Variants in RGS12 observed in about 807,000 individuals in gnomAD.
RGS12 encodes the protein regulator of G-protein signaling 12.
A neutral mutation model predicts 120.1 loss-of-function variants in RGS12; 66 were observed. The observed-to-expected ratio is 0.55, with a 90% CI of 0.45 to 0.67. RGS12 has a LOEUF of 0.67. Ranked by LOEUF, RGS12 falls within the 30% of genes least tolerant of loss-of-function variation. The probability of loss-of-function intolerance (pLI) is 0.00; values close to 1 mark genes in which losing one functional copy is unlikely to be tolerated. For missense variants in RGS12, 1,859 were observed against 1,957.7 expected, an observed-to-expected ratio of 0.95 and a Z score of 0.95; for synonymous variants, 827 against 804.7, an observed-to-expected ratio of 1.03 and a Z score of -0.47.
intron 1 of RGS12, chr4:3,312,484 C>G (rs1375787551): frequency 4.6e-6 from 1 of 219,028 alleles, no homozygotes; most frequent in Non-Finnish European, 9.9e-6. Flanking sequence ...GACTCTTTAC[C>G]CACTACTGAG....
At chr4:3,294,234 C>T (rs1296895358) in intron 1 of RGS12, among the ~76,000 whole-genome samples, 4 of 152,250 alleles carry the variant, frequency 2.6e-5, no homozygotes, top group African/African-American at 4.8e-5. Context: ...GCAGGATGGC[C>T]GGCAAGGCCT....
intron 1 of RGS12, among the ~76,000 whole-genome samples, chr4:3,307,011 G>A (rs926843119): frequency 6.6e-6 from 1 of 152,206 alleles, no homozygotes; most frequent in African/African-American, 2.4e-5. Context: ...CCGATGTTTG[G>A]TTTCCTTCTC....
At chr4:3,386,297 G>C in intron 3 of RGS12, 119 bp from the exon 4 acceptor site, 1 of 945,320 alleles carries the variant, frequency 1.1e-6, no homozygotes, top group East Asian at 2.4e-5. Context: ...CCTCCACCTG[G>C]AGAGTGCCTC....
intron 4 of RGS12, chr4:3,407,656 G>A (rs6446740): frequency 0.57 from 87,017 of 152,242 alleles, 25,649 homozygotes; most frequent in African/African-American, 0.73. Flanking sequence ...TATGTTTGCC[G>A]CAGCGGGATT....
At position 3,316,144 on chromosome 4, in the gene RGS12, T is replaced by C; in HGVS notation, c.-27T>C. On this transcript the variant is annotated 5_prime_UTR_variant, in exon 2 of 18. Coordinates refer to ENST00000336727, the MANE Select transcript of RGS12 (RefSeq NM_001394154.1). ...ATGGCTCCAAGGGAACAATGAGACG[T>C]GCTCTTGGTCTTGGAAGCTCATCAG... 1 of 1,519,700 alleles carries C rather than the reference T, an allele frequency of 6.6e-7. No individual in the cohort carries two copies. The highest frequency in any genetic ancestry group is 8.8e-7 in the Non-Finnish European group (1 of 1,134,766). 94.1% of individuals were successfully genotyped at this position (1,519,700 alleles called of 1,614,324 possible). A position where few individuals can be genotyped will look rare whatever the true frequency, so the allele number is the denominator to read the frequency against.
chr4:3,301,662 T>C (rs527632255), intron 1 of RGS12, among the ~76,000 whole-genome samples: 7 of 150,178 alleles, frequency 4.7e-5, no homozygotes, highest in African/African-American at 1.5e-4. Context: ...GTCCGAGGGC[T>C]GGGGATGGAG....
chr4:3,341,906 T>G (rs1578773373), intron 2 of RGS12, among the ~76,000 whole-genome samples: 1 of 142,482 alleles, frequency 7.0e-6, no homozygotes, highest in Non-Finnish European at 1.5e-5. Flanking sequence ...TGACAATGGG[T>G]GGGGTAGGAA....
intron 3 of RGS12, among the ~76,000 whole-genome samples, chr4:3,344,521 T>G (rs1413644533): frequency 6.6e-6 from 1 of 152,250 alleles, no homozygotes; most frequent in African/African-American, 2.4e-5. Flanking sequence ...GCCCTAGGTT[T>G]GGGCTGACAG....
chr4:3,288,827 G>A (rs1015355445), upstream of RGS12, among the ~76,000 whole-genome samples: 1 of 152,124 alleles, frequency 6.6e-6, no homozygotes, highest in South Asian at 2.1e-4. The surrounding 1 kb of genome is among the most constrained non-coding windows in gnomAD (Gnocchi z 5.2). Flanking sequence ...GGGGCCTCAG[G>A]GGCCCCAGGT....
intron 3 of RGS12, among the ~76,000 whole-genome samples, chr4:3,359,819 C>T (rs568584100): frequency 3.9e-5 from 6 of 151,984 alleles, no homozygotes; most frequent in East Asian, 1.9e-4. Context: ...GATAGGGTTT[C>T]GCCATGTTGG....
chr4:3,331,190 A>C (rs1711797585), intron 2 of RGS12, among the ~76,000 whole-genome samples: 2 of 152,218 alleles, frequency 1.3e-5, no homozygotes, highest in Non-Finnish European at 2.9e-5. Flanking sequence ...TTTGGTGTAA[A>C]AAATTCTAAC....
rs145348972 is a variant in RGS12 at position 3,430,928 on chromosome 4, C to T, written c.4087C>T (p.Gln1363Ter). The change falls in exon 17 of 18, where the codon CAG (glutamine) becomes TAG (stop). Residue 1363 changes from glutamine to a stop codon, truncating the protein, a stop_gained. Transcript: ENST00000336727. LOFTEE classifies it low-confidence loss of function (END_TRUNC). ...STLLPPPSTP[Q>*]EVPGPSRPGS... ...CTTGCTGCCGCCGCCCTCCACCCCCCAGGAAGTGCCAGGACCTTCCAGACC... is the reference window on the plus strand; with the variant it reads ...CTTGCTGCCGCCGCCCTCCACCCCCTAGGAAGTGCCAGGACCTTCCAGACC... The T allele has an allele frequency of 7.5e-4, 1,202 of 1,612,782 alleles. 2 individuals are homozygous for T. Among genetic ancestry groups the T allele is most frequent in the Non-Finnish European group, 9.3e-4 (1,097 of 1,179,974 alleles).
Position 3,390,564 on chromosome 4 carries a change from C to T in RGS12, c.2020+4127C>T, listed in dbSNP as rs1437043956. Among the ~76,000 whole-genome samples, 5 of 152,254 alleles carry T rather than the reference C, an allele frequency of 3.3e-5. No individual in the cohort carries two copies. The highest frequency in any genetic ancestry group is 7.2e-5 in the African/African-American group (3 of 41,476). Reference sequence around the variant, plus strand: ...TGGTGTTGCGGGGTGGACCCACTGCCGCCGCCTCCTCCTGGGCTGCTCTGC... The same window carrying T: ...TGGTGTTGCGGGGTGGACCCACTGCTGCCGCCTCCTCCTGGGCTGCTCTGC... On this transcript the variant is annotated intron_variant, in intron 4 of 17. Transcript: ENST00000336727. The surrounding 1 kb of genome is among the most constrained non-coding windows in gnomAD (Gnocchi z 4.6).
chr4:3,392,229 T>G (rs1269364446), intron 4 of RGS12, among the ~76,000 whole-genome samples: 2 of 152,202 alleles, frequency 1.3e-5, no homozygotes, highest in African/African-American at 4.8e-5. Context: ...AGATAGACTG[T>G]GGGAAGAGAT....
intron 2 of RGS12, among the ~76,000 whole-genome samples, chr4:3,340,591 C>T (rs978902231): frequency 1.6e-4 from 25 of 152,224 alleles, no homozygotes; most frequent in Non-Finnish European, 2.9e-4. Flanking sequence ...AGCACGCTGG[C>T]AGGACACTCA....
chr4:3,416,417 G>A (rs933931872), intron 7 of RGS12, among the ~76,000 whole-genome samples: 1 of 152,202 alleles, frequency 6.6e-6, no homozygotes, highest in Non-Finnish European at 1.5e-5. Flanking sequence ...AATCACACCT[G>A]CCTGGGGGAT....
At chr4:3,431,777 T>C in intron 17 of RGS12, 4 of 985,708 alleles carry the variant, frequency 4.1e-6, no homozygotes, top group Non-Finnish European at 4.8e-6. Flanking sequence ...TGGACACCTC[T>C]GCTGTGGTTT....
chr4:3,312,728 G>C, intron 1 of RGS12: 1 of 217,330 alleles, frequency 4.6e-6, no homozygotes, highest in African/African-American at 2.3e-5. Context: ...TCCGGGAGCT[G>C]TCTCAAAGAC....
At chr4:3,291,312 G>T (rs3129314), upstream of RGS12, among the ~76,000 whole-genome samples, 97,723 of 150,836 alleles carry the variant, frequency 0.65, 33,336 homozygotes, top group African/African-American at 0.87. Context: ...CCACAGTTTT[G>T]GGGGGGCCAG....
Sources: gnomAD v4.1 joint callset for allele counts (sites outside exome capture counted in the v4.1 genomes callset) on GRCh38, gnomAD v4.1.1 for gene constraint, Gnocchi (gnomAD v3.1) non-coding constraint, MANE v1.5 for transcripts, NCBI Gene and HGNC (gene_info 2026-07-23, HGNC 2026-07-21) for gene names.